ASAP2: variants seen among roughly 807,000 people sequenced by gnomAD.
ASAP2 encodes the protein ArfGAP with SH3 domain, ankyrin repeat and PH domain 2.
A neutral mutation model predicts 131.4 loss-of-function variants in ASAP2; 45 were observed. The ratio of observed to expected loss-of-function variants is 0.34; its 90% confidence interval spans 0.27 to 0.44. ASAP2 has a LOEUF of 0.44. ASAP2 is among the 20% of genes least tolerant of loss of function. ASAP2 has a pLI of 1.00. For synonymous variants in ASAP2, 510 were observed against 503.0 expected (o/e 1.01, Z -0.19); for missense variants, 1,011 against 1,297.0 (o/e 0.78, Z 3.39).
intron 9 of ASAP2, 136 bp from the exon 10 acceptor site, chr2:9,344,396 T>C (rs551957892): frequency 3.0e-6 from 2 of 669,494 alleles, no homozygotes; most frequent in African/African-American, 1.8e-5. Flanking sequence ...TTTTGCTGTG[T>C]TGAGAAAGGG....
At chr2:9,265,873 A>G (rs1027575650) in intron 1 of ASAP2, among the ~76,000 whole-genome samples, 4 of 152,208 alleles carry the variant, frequency 2.6e-5, no homozygotes, top group Non-Finnish European at 5.9e-5. Flanking sequence ...CCCCGGTTCA[A>G]GTGATTCTCC....
intron 1 of ASAP2, among the ~76,000 whole-genome samples, chr2:9,258,475 T>C (rs1665333957): frequency 6.6e-6 from 1 of 152,160 alleles, no homozygotes; most frequent in East Asian, 1.9e-4. Flanking sequence ...AGGTGGTACT[T>C]TCATAGAATT....
Position 9,403,463 on chromosome 2 carries a change from A to C in ASAP2, c.*136A>C. On this transcript the variant is annotated 3_prime_UTR_variant, in exon 28 of 28. Transcript: ENST00000281419. ...CTAATGCCACTGCTCTGTTTTAAAAACTCAGAGGCAATTTTTACATATCAG... is the reference window on the plus strand; with the variant it reads ...CTAATGCCACTGCTCTGTTTTAAAACCTCAGAGGCAATTTTTACATATCAG... 1 of 687,650 alleles carries C rather than the reference A, an allele frequency of 1.5e-6. No homozygotes were observed. Among genetic ancestry groups the C allele is most frequent in the Admixed American group, 3.4e-5 (1 of 29,406 alleles). 42.6% of individuals were successfully genotyped at this position (687,650 alleles called of 1,614,324 possible).
intron 22 of ASAP2, among the ~76,000 whole-genome samples, chr2:9,390,022 C>T (rs1041878565): frequency 6.6e-6 from 1 of 152,186 alleles, no homozygotes; most frequent in South Asian, 2.1e-4. Flanking sequence ...GTGTGTGTCA[C>T]GGGAGGAAAG....
At chr2:9,366,184 A>G (rs923652764) in intron 15 of ASAP2, among the ~76,000 whole-genome samples, 1 of 152,108 alleles carries the variant, frequency 6.6e-6, no homozygotes, top group Non-Finnish European at 1.5e-5. Context: ...ACTGCAAGGT[A>G]GCACGTTTCT....
chr2:9,257,404 C>T lies in ASAP2; in HGVS notation c.127-21913C>T, dbSNP rs559003189. On this transcript the variant is annotated intron_variant, in intron 1 of 27. Transcript: ENST00000281419. Reference sequence around the variant, plus strand: ...ACTTTTCCCTGCAAAATTAAAATAGCTTTATTTTCTTGGTTTATTGTTTCT... The same window carrying T: ...ACTTTTCCCTGCAAAATTAAAATAGTTTTATTTTCTTGGTTTATTGTTTCT... 2.6e-3 allele frequency among the ~76,000 whole-genome samples: 394 copies of T among 152,280 alleles called. 2 individuals carry two copies. The highest frequency in any genetic ancestry group is 8.9e-3 in the African/African-American group (370 of 41,546).
At chr2:9,266,287 C>A (rs1665945411) in intron 1 of ASAP2, among the ~76,000 whole-genome samples, 1 of 151,962 alleles carries the variant, frequency 6.6e-6, no homozygotes, top group African/African-American at 2.4e-5. Flanking sequence ...ACTGGGACCA[C>A]AGGCACCTAC....
chr2:9,365,113 C>T (rs925106680), intron 15 of ASAP2, among the ~76,000 whole-genome samples: 4 of 152,304 alleles, frequency 2.6e-5, no homozygotes, highest in East Asian at 1.9e-4. Flanking sequence ...ACTTTGTAAA[C>T]TACATCAAAA....
chr2:9,211,694 C>A (rs1305668047), intron 1 of ASAP2, among the ~76,000 whole-genome samples: 1 of 152,168 alleles, frequency 6.6e-6, no homozygotes, highest in Non-Finnish European at 1.5e-5. Flanking sequence ...GTGGGGTGAG[C>A]ATCTGGGCCT....
Position 9,379,000 on chromosome 2 carries a change from T to C in ASAP2, c.1889T>C (p.Leu630Pro). 6.3e-7 allele frequency: 1 copy of C among 1,575,520 alleles called. No individual in the cohort carries two copies. The highest frequency in any genetic ancestry group is 8.6e-7 in the Non-Finnish European group (1 of 1,160,042). Residue 630 changes from leucine (L) to proline (P), a missense_variant, in exon 19 of 28, where the codon CTG becomes CCG. Coordinates refer to ENST00000281419, the MANE Select transcript of ASAP2 (RefSeq NM_003887.3). ...KGSTALHYCCLTDNAECLKLL... is the reference protein window; with the variant it reads ...KGSTALHYCCPTDNAECLKLL... Reference sequence around the variant, plus strand: ...AGCACAGCCCTGCACTACTGCTGCCTGACCGACAATGCCGAGTGCCTCAAG... The same window carrying C: ...AGCACAGCCCTGCACTACTGCTGCCCGACCGACAATGCCGAGTGCCTCAAG...
Position 9,368,489 on chromosome 2 carries a change from A to T in ASAP2, c.1526A>T (p.Asp509Val). Reference protein sequence around the residue: ...EIMECCLPAEDSVKPNPGSDM... With the variant: ...EIMECCLPAEVSVKPNPGSDM... ...ATGGAATGTTGCCTACCAGCTGAGG[A>T]CTCAGTCAAACCCAACCCAGGCAGC... is the stretch of plus-strand genomic sequence containing the variant. Residue 509 changes from aspartate to valine, a missense_variant, in exon 16 of 28, where the codon GAC (aspartate) becomes GTC (valine). By Grantham distance (152) the Asp-to-Val change is radical. This residue lies in a region of ASAP2 where 652 missense variants were observed against 698.9 expected (regional missense o/e 0.93). Transcript: ENST00000281419. The T allele has an allele frequency of 6.2e-7, 1 of 1,614,058 alleles. No individual in the cohort carries two copies. The highest frequency in any genetic ancestry group is 2.2e-5 in the East Asian group (1 of 44,864).
intron 20 of ASAP2, among the ~76,000 whole-genome samples, chr2:9,381,461 C>G (rs1320621201): frequency 1.3e-5 from 2 of 152,264 alleles, no homozygotes; most frequent in East Asian, 3.8e-4. Flanking sequence ...AGGCCAGGCA[C>G]AGTGACTCAC....
Position 9,206,965 on chromosome 2 carries a change from C to T in ASAP2, c.-140C>T, listed in dbSNP as rs1293595333. ...CTCCGCCGCCAGGCCCCGCGCGGCT[C>T]CCGCGCCCGGCGCTCCCCTTTGTCC... On this transcript the variant is annotated 5_prime_UTR_variant, in exon 1 of 28. Transcript: ENST00000281419. This position sits in a 1 kb window ranked among gnomAD's most constrained non-coding sequence, Gnocchi z 4.0. The T allele has an allele frequency of 8.3e-6, 7 of 846,936 alleles. No individual in the cohort carries two copies. Among genetic ancestry groups the T allele is most frequent in the Non-Finnish European group, 9.9e-6 (7 of 704,746 alleles). The allele number at this position is 846,936 out of a possible 1,614,324, so 52.5% of individuals were successfully genotyped here. A position where few individuals can be genotyped will look rare whatever the true frequency, so the allele number is the denominator to read the frequency against.
intron 1 of ASAP2, among the ~76,000 whole-genome samples, chr2:9,208,411 G>GA (rs1661297503): frequency 7.7e-6 from 1 of 130,234 alleles, no homozygotes; most frequent in African/African-American, 2.9e-5. Context: ...TTTTTTTCTG[G>GA]TTTTTTTTTT....
intron 2 of ASAP2, among the ~76,000 whole-genome samples, chr2:9,288,697 A>G (rs1160295673): frequency 6.6e-6 from 1 of 152,054 alleles, no homozygotes; most frequent in Non-Finnish European, 1.5e-5. Context: ...CATACAACAA[A>G]TGTTGAATTC....
At chr2:9,372,651 G>C (rs1402895225) in intron 16 of ASAP2, among the ~76,000 whole-genome samples, 1 of 152,070 alleles carries the variant, frequency 6.6e-6, no homozygotes, top group Non-Finnish European at 1.5e-5. Flanking sequence ...CTACTAAGTG[G>C]GATAAAGAAA....
rs1372230633 is a variant in ASAP2, at chr2:9,268,133, A to G, written c.127-11184A>G. Among the ~76,000 whole-genome samples, 1 of 152,162 alleles carries G rather than the reference A, an allele frequency of 6.6e-6. No homozygotes were observed. Among genetic ancestry groups the G allele is most frequent in the African/African-American group, 2.4e-5 (1 of 41,440 alleles). The stretch of plus-strand genomic sequence containing the variant: ...TTATACTGCATGTATTCTTTTGCTC[A>G]ACATTTTTGTCAAGTTCACTTGTGT... On this transcript the variant is annotated intron_variant, in intron 1 of 27. Coordinates refer to ENST00000281419, the MANE Select transcript of ASAP2 (RefSeq NM_003887.3). This position sits in a 1 kb window ranked among gnomAD's most constrained non-coding sequence, Gnocchi z 4.1.
At chr2:9,263,657 C>T (rs982916483) in intron 1 of ASAP2, among the ~76,000 whole-genome samples, 7 of 152,154 alleles carry the variant, frequency 4.6e-5, no homozygotes, top group South Asian at 2.1e-4. Context: ...TGCCTGTGGG[C>T]GCTGCTTCCT....
At chr2:9,317,193 G>A (rs1323618384) in intron 3 of ASAP2, among the ~76,000 whole-genome samples, 3 of 131,638 alleles carry the variant, frequency 2.3e-5, no homozygotes, top group East Asian at 4.5e-4. Context: ...CACACCCCAC[G>A]CAATCACACC....
Sources: allele counts gnomAD v4.1 joint callset (sites outside exome capture counted in the v4.1 genomes callset), GRCh38; gene constraint gnomAD v4.1.1; regional missense constraint gnomAD v4.1.1; non-coding constraint Gnocchi (gnomAD v3.1); transcripts MANE v1.5; gene names NCBI Gene and HGNC (gene_info 2026-07-23, HGNC 2026-07-21).